SLC12A2: variants seen among roughly 807,000 people sequenced by gnomAD.
SLC12A2 encodes the protein solute carrier family 12 member 2.
In SLC12A2, 67 loss-of-function variants were observed where a neutral mutation model predicts 136.3. The ratio of observed to expected loss-of-function variants is 0.49; its 90% confidence interval spans 0.40 to 0.60. SLC12A2 has a LOEUF of 0.60. Among genes scored for constraint, SLC12A2 ranks in the 20% least tolerant of loss-of-function variants. The pLI is 0.00. For missense variants in SLC12A2, 1,322 were observed against 1,534.7 expected, an observed-to-expected ratio of 0.86 and a Z score of 2.32; for synonymous variants, 619 against 562.9, an observed-to-expected ratio of 1.10 and a Z score of -1.41.
At chr5:128,181,063 G>A in intron 23 of SLC12A2, 69 bp downstream of exon 23, 1 of 969,544 alleles carries the variant, frequency 1.0e-6, no homozygotes, top group Non-Finnish European at 1.6e-6. Flanking sequence ...AATTTGATAG[G>A]ATAAAAATTA....
chr5:128,085,625 G>T (rs1353135657), intron 1 of SLC12A2, among the ~76,000 whole-genome samples: 1 of 152,186 alleles, frequency 6.6e-6, no homozygotes, highest in Non-Finnish European at 1.5e-5. Flanking sequence ...GGGATTACTT[G>T]AAGTCTTCCT....
rs1760093672 is a variant in SLC12A2 at position 128,086,195 on chromosome 5, G to T, written c.756+1485G>T. Among the ~76,000 whole-genome samples the T allele has an allele frequency of 1.3e-5, 2 of 152,160 alleles. 1 individual carries two copies. Among genetic ancestry groups the T allele is most frequent in the South Asian group, 4.1e-4 (2 of 4,832 alleles). On this transcript the variant is annotated intron_variant, in intron 1 of 26. Transcript: ENST00000262461. ...ATAAGTTTTAGAAAGACATCCAATT[G>T]AAAGGTATATATGTTGAGCTTATAT...
At chr5:128,108,163 G>A (rs1171170667) in intron 1 of SLC12A2, among the ~76,000 whole-genome samples, 1 of 152,048 alleles carries the variant, frequency 6.6e-6, no homozygotes, top group Non-Finnish European at 1.5e-5. Flanking sequence ...TTTTAAGCAG[G>A]AAGAGGGCTA....
rs1554105175 is a variant in SLC12A2, at chr5:128,126,966, ATTTTT to A, written c.1049-4084_1049-4080del. On this transcript the variant is annotated intron_variant, in intron 4 of 26. Transcript: ENST00000262461. Reference sequence around the variant, plus strand: ...CATATATATATATATATATATATATATTTTTTTTTTTTTTTTTTTTTGCATCTAAA... The same window carrying A: ...CATATATATATATATATATATATATATTTTTTTTTTTTTTTTGCATCTAAA... Among the ~76,000 whole-genome samples the A allele has an allele frequency of 6.1e-4, 13 of 21,160 alleles. 1 individual carries two copies. The highest frequency in any genetic ancestry group is 2.2e-3 in the African/African-American group (9 of 4,030). 13.9% of individuals were successfully genotyped at this position (21,160 alleles called of 152,430 possible). A position where few individuals can be genotyped will look rare whatever the true frequency, so the allele number is the denominator to read the frequency against.
chr5:128,084,725 C>T lies in SLC12A2; in HGVS notation c.756+15C>T. The T allele has an allele frequency of 6.4e-7, 1 of 1,554,078 alleles. No individual in the cohort carries two copies. Among genetic ancestry groups the T allele is most frequent in the South Asian group, 1.2e-5 (1 of 83,080 alleles). On this transcript the variant is annotated intron_variant, in intron 1 of 26. Coordinates refer to ENST00000262461, the MANE Select transcript of SLC12A2 (RefSeq NM_001046.3). The surrounding 1 kb of genome is among the most constrained non-coding windows in gnomAD (Gnocchi z 5.6). Reference sequence around the variant, plus strand: ...AGCTGGAAAAGGTGAGCTCGCCCAGCCCTCCCTTCTTCCCCAGCCCCTGGT... The same window carrying T: ...AGCTGGAAAAGGTGAGCTCGCCCAGTCCTCCCTTCTTCCCCAGCCCCTGGT...
intron 4 of SLC12A2, among the ~76,000 whole-genome samples, chr5:128,119,714 T>C (rs891254839): frequency 1.3e-5 from 2 of 152,106 alleles, no homozygotes; most frequent in Non-Finnish European, 2.9e-5. Flanking sequence ...TAATTCAAGA[T>C]GATTAAAGAC....
chr5:128,109,928 G>C (rs541240678), intron 1 of SLC12A2: 3 of 823,140 alleles, frequency 3.6e-6, no homozygotes, highest in Non-Finnish European at 6.5e-6. Flanking sequence ...CTGGCTACGG[G>C]GGATGAACTG....
chr5:128,102,995 A>G (rs1378921978), intron 1 of SLC12A2, among the ~76,000 whole-genome samples: 1 of 152,086 alleles, frequency 6.6e-6, no homozygotes, highest in East Asian at 1.9e-4. Context: ...TCTGCAGTTA[A>G]GGATGTTTGT....
chr5:128,090,463 T>C (rs886994412), intron 1 of SLC12A2, among the ~76,000 whole-genome samples: 1 of 152,212 alleles, frequency 6.6e-6, no homozygotes, highest in African/African-American at 2.4e-5. Context: ...AGTCCTATGC[T>C]GAAGTGAAAT....
chr5:128,119,175 G>C (rs1170847649), intron 4 of SLC12A2, among the ~76,000 whole-genome samples: 3 of 152,156 alleles, frequency 2.0e-5, no homozygotes, highest in Non-Finnish European at 4.4e-5. Context: ...AATAGAGCTA[G>C]AATTATCCAG....
chr5:128,148,784 T>C lies in SLC12A2; in HGVS notation c.1912T>C (p.Phe638Leu). ...ALCKDNIYPA[F>L]QMFAKGYGKN... is the part of the protein sequence containing the mutation. ...ATGTAAGGACAACATCTACCCAGCT[T>C]TCCAGATGTTTGCTAAAGGTTATGG... The change falls in exon 12 of 27, where the codon TTC becomes CTC. Residue 638 changes from phenylalanine (F) to leucine (L), a missense_variant. By Grantham distance (22) the Phe-to-Leu change is conservative. Coordinates refer to ENST00000262461, the MANE Select transcript of SLC12A2 (RefSeq NM_001046.3). The C allele has an allele frequency of 6.2e-7, 1 of 1,606,186 alleles. No homozygotes were observed. Among genetic ancestry groups the C allele is most frequent in the Non-Finnish European group, 8.5e-7 (1 of 1,176,090 alleles).
At chr5:128,085,184 C>T (rs1581041303) in intron 1 of SLC12A2, among the ~76,000 whole-genome samples, 1 of 152,080 alleles carries the variant, frequency 6.6e-6, no homozygotes, top group Admixed American at 6.5e-5. Context: ...TGAAGGAAAA[C>T]CTTAACAGGG....
chr5:128,150,845 A>T (rs1762679782), intron 13 of SLC12A2, among the ~76,000 whole-genome samples: 1 of 151,936 alleles, frequency 6.6e-6, no homozygotes, highest in African/African-American at 2.4e-5. Context: ...TATATTCATT[A>T]GACTATGGAT....
At chr5:128,140,801 C>G (rs1045343304) in intron 9 of SLC12A2, among the ~76,000 whole-genome samples, 4 of 151,914 alleles carry the variant, frequency 2.6e-5, no homozygotes, top group East Asian at 3.9e-4. Context: ...ATTCTCCCCC[C>G]ATTCCCCAGT....
At chr5:128,127,373 G>A (rs1037073322) in intron 4 of SLC12A2, among the ~76,000 whole-genome samples, 3 of 151,814 alleles carry the variant, frequency 2.0e-5, no homozygotes, top group Non-Finnish European at 4.4e-5. Context: ...CACCTGCCTC[G>A]GCCTGCCAAA....
At chr5:128,171,584 T>C in intron 18 of SLC12A2, 83 bp from the exon 19 acceptor site, 1 of 806,860 alleles carries the variant, frequency 1.2e-6, no homozygotes, top group Non-Finnish European at 2.0e-6. Context: ...TTAGAGATCA[T>C]CTATTATTTA....
intron 17 of SLC12A2, among the ~76,000 whole-genome samples, chr5:128,167,148 A>G (rs948074879): frequency 2.6e-5 from 4 of 152,058 alleles, no homozygotes; most frequent in African/African-American, 9.7e-5. Flanking sequence ...TATATAAGGG[A>G]CTTGAGCATT....
chr5:128,138,843 C>G lies in SLC12A2; in HGVS notation c.1556C>G (p.Pro519Arg). ...TTCTAGGATCCTCAGTCAGCCATAC[C>G]CAAAGGAACACTCCTAGCCATTTTA... ...GDLADPQSAI[P>R]KGTLLAILIT... is the part of the protein sequence containing the mutation. Residue 519 changes from proline (P) to arginine (R), a missense_variant, in exon 9 of 27, where the codon CCC (proline) becomes CGC (arginine). Transcript: ENST00000262461. 6.2e-7 allele frequency: 1 copy of G among 1,612,954 alleles called. No homozygotes were observed.
chr5:128,111,867 G>A (rs1761160556), intron 1 of SLC12A2, among the ~76,000 whole-genome samples: 1 of 151,652 alleles, frequency 6.6e-6, no homozygotes, highest in Non-Finnish European at 1.5e-5. Context: ...ACTAAAGGAT[G>A]TGAAGTACTG....
Sources: gnomAD v4.1 joint callset for allele counts (sites outside exome capture counted in the v4.1 genomes callset) on GRCh38, gnomAD v4.1.1 for gene constraint, Gnocchi (gnomAD v3.1) non-coding constraint, MANE v1.5 for transcripts, NCBI Gene and HGNC (gene_info 2026-07-23, HGNC 2026-07-21) for gene names.